Variants in HIVEP3 observed in about 807,000 individuals in gnomAD.
HIVEP3 encodes the protein transcription factor HIVEP3.
Under a neutral mutation model 152.8 loss-of-function variants are expected in HIVEP3, and 49 were observed. The observed-to-expected ratio is 0.32, with a 90% confidence interval of 0.26 to 0.41. The LOEUF is 0.41. Ranked by LOEUF, HIVEP3 falls within the 10% of genes least tolerant of loss-of-function variation. HIVEP3 has a pLI of 1.00. For synonymous variants in HIVEP3, 1,269 were observed against 1,289.0 expected (o/e 0.98, Z 0.33); for missense variants, 2,790 against 3,103.3 (o/e 0.90, Z 2.40).
At position 41,673,369 on chromosome 1, in the gene HIVEP3, C is replaced by T. The variant is rs551674034; in HGVS notation, c.-721+27547G>A. ...AAGATGTTGAGTAGCTCAGGAGAGG[C>T]AGACAGCATTTTCAGTTCATTATTG... On this transcript the variant is annotated intron_variant, in intron 2 of 8. Coordinates refer to ENST00000372583, the MANE Select transcript of HIVEP3 (RefSeq NM_024503.5). Among the ~76,000 whole-genome samples, 15 of 152,344 alleles carry T rather than the reference C, an allele frequency of 9.8e-5. No individual in the cohort carries two copies. The South Asian group carries it at 1.0e-3, about 11-fold the overall frequency.
intron 5 of HIVEP3, among the ~76,000 whole-genome samples, chr1:41,571,235 C>T (rs1644248151): frequency 6.6e-6 from 1 of 152,242 alleles, no homozygotes; most frequent in Non-Finnish European, 1.5e-5. Context: ...CCAGTCTCTT[C>T]CTCTTCCGTG....
intron 1 of HIVEP3, among the ~76,000 whole-genome samples, chr1:41,844,509 T>G (rs1460460847): frequency 6.6e-6 from 1 of 152,230 alleles, no homozygotes; most frequent in Non-Finnish European, 1.5e-5. Context: ...TTACCTTAAC[T>G]GCTCGCAGGG....
chr1:41,718,323 C>T (rs1428815723), intron 1 of HIVEP3, among the ~76,000 whole-genome samples: 1 of 152,206 alleles, frequency 6.6e-6, no homozygotes, highest in East Asian at 1.9e-4. Flanking sequence ...GGGTCTGTAC[C>T]CTACGCTTGC....
At chr1:41,599,919 C>T (rs1035406607) in intron 3 of HIVEP3, among the ~76,000 whole-genome samples, 4 of 151,992 alleles carry the variant, frequency 2.6e-5, no homozygotes, top group Admixed American at 1.3e-4. Flanking sequence ...CTTGAAGAGA[C>T]GTTTCTCCAA....
At chr1:41,744,488 A>C in intron 1 of HIVEP3, among the ~76,000 whole-genome samples, 1 of 152,266 alleles carries the variant, frequency 6.6e-6, no homozygotes, top group South Asian at 2.1e-4. Context: ...TGTGCTGGCC[A>C]GATGGGAGAC....
At chr1:41,775,389 A>G (rs953838435) in intron 1 of HIVEP3, among the ~76,000 whole-genome samples, 4 of 152,238 alleles carry the variant, frequency 2.6e-5, no homozygotes, top group Non-Finnish European at 4.4e-5. Flanking sequence ...GAATCTAAAC[A>G]AAACTCCTGA....
chr1:41,945,373 G>A (rs1645069334), intron 1 of HIVEP3, among the ~76,000 whole-genome samples: 2 of 152,174 alleles, frequency 1.3e-5, no homozygotes, highest in Non-Finnish European at 2.9e-5. Context: ...CAGACTTAAA[G>A]CAAATTAAAA....
At chr1:41,795,640 TTTATTTATTTATTCAA>T (rs1394024481) in intron 1 of HIVEP3, among the ~76,000 whole-genome samples, 1 of 152,170 alleles carries the variant, frequency 6.6e-6, no homozygotes, top group African/African-American at 2.4e-5. Flanking sequence ...TCTTCCCTTA[TTTATTTATTTATTCAA>T]TTATTTATTT....
At chr1:41,545,381 CACCACCACCAAT>C (rs1211519419) in intron 5 of HIVEP3, among the ~76,000 whole-genome samples, 2,272 of 67,386 alleles carry the variant, frequency 0.034, 125 homozygotes, top group African/African-American at 0.13. Flanking sequence ...CCACCACTAC[CACCACCACCAAT>C]ACCACTACCA....
chr1:41,802,657 T>C (rs1461103630), intron 1 of HIVEP3, among the ~76,000 whole-genome samples: 1 of 152,050 alleles, frequency 6.6e-6, no homozygotes, highest in African/African-American at 2.4e-5. Context: ...CGACTTACTG[T>C]TTCTGAGCCT....
intron 1 of HIVEP3, among the ~76,000 whole-genome samples, chr1:41,786,690 C>T (rs1367516295): frequency 6.6e-6 from 1 of 152,262 alleles, no homozygotes; most frequent in Admixed American, 6.5e-5. Flanking sequence ...AGCTTGCCGA[C>T]CCCTGTTCTA....
rs757594226 is a variant in HIVEP3, at chr1:41,513,519, T to C, written c.5702A>G (p.Gln1901Arg). The C allele has an allele frequency of 6.2e-7, 1 of 1,604,010 alleles. No homozygotes were observed. ...RADSSPILGP[Q>R]PPDAPASGTE... is the part of the protein sequence containing the mutation. ...GCCAGAGGCGGGGGCATCTGGGGGC[T>C]GAGGGCCCAGGATGGGTGAGGAGTC... Residue 1901 changes from glutamine (Q) to arginine (R), a missense_variant, in exon 8 of 9, where the codon CAG becomes CGG. Physicochemically the swap from Gln to Arg is conservative, Grantham distance 43 (BLOSUM62 1). This residue lies in a region of HIVEP3 where 816 missense variants were observed against 806.5 expected (regional missense o/e 1.01). Coordinates refer to ENST00000372583, the MANE Select transcript of HIVEP3 (RefSeq NM_024503.5).
In HIVEP3 at chr1:41,605,442, C is replaced by G. The variant is rs182719665; in HGVS notation, c.-521-20124G>C. On this transcript the variant is annotated intron_variant, in intron 3 of 8. Coordinates refer to ENST00000372583, the MANE Select transcript of HIVEP3 (RefSeq NM_024503.5). Reference sequence around the variant, plus strand: ...TAAAAAGAAAACTATTCCAGTACAGCGGTACACTTCTGGTTTGTGTACATA... The same window carrying G: ...TAAAAAGAAAACTATTCCAGTACAGGGGTACACTTCTGGTTTGTGTACATA... 2.2e-3 allele frequency among the ~76,000 whole-genome samples: 329 copies of G among 151,610 alleles called. 4 individuals carry two copies. In the Middle Eastern group the frequency reaches 0.024, roughly 11 times the overall value.
chr1:41,538,789 G>GAAACCCA (rs1643460349), intron 5 of HIVEP3, among the ~76,000 whole-genome samples: 2 of 32,070 alleles, frequency 6.2e-5, no homozygotes, highest in African/African-American at 2.4e-4. Context: ...GAGGCAGGCA[G>GAAACCCA]GAATGGGTTG....
rs887555622 is a variant in HIVEP3 at position 41,676,972 on chromosome 1, C to A, written c.-721+23944G>T. Among the ~76,000 whole-genome samples the A allele has an allele frequency of 7.2e-5, 11 of 152,204 alleles. No individual in the cohort carries two copies. In the East Asian group the frequency reaches 2.1e-3, roughly 29 times the overall value. On this transcript the variant is annotated intron_variant, in intron 2 of 8. Coordinates refer to ENST00000372583, the MANE Select transcript of HIVEP3 (RefSeq NM_024503.5). ...GGGGCCATGGCCCTTCTCCACCCTGCAGAGTCACTGTGTTATGCCGTGTGG... is the reference window on the plus strand; with the variant it reads ...GGGGCCATGGCCCTTCTCCACCCTGAAGAGTCACTGTGTTATGCCGTGTGG...
In HIVEP3 at chr1:41,581,471, G is replaced by A; in HGVS notation, c.3327C>T (p.Pro1109=). 6.4e-7 allele frequency: 1 copy of A among 1,572,710 alleles called. No homozygotes were observed. Among genetic ancestry groups the A allele is most frequent in the Non-Finnish European group, 8.6e-7 (1 of 1,160,794 alleles). The change falls in exon 4 of 9, where the codon CCC becomes CCT. Residue 1109 remains proline, a synonymous_variant. Transcript: ENST00000372583. This position sits in a 1 kb window ranked among gnomAD's most constrained non-coding sequence, Gnocchi z 4.5. ...TGTAGGGCACAGTGGGCCCCAATGG[G>A]GGCCTGTCCTGCCCTGGGCCCTTGC... ...PGGKGPGQDR[P]PLGPTVPYTE...
intron 2 of HIVEP3, among the ~76,000 whole-genome samples, chr1:41,685,496 G>A (rs1365552866): frequency 6.6e-6 from 1 of 152,188 alleles, no homozygotes; most frequent in Admixed American, 6.5e-5. Flanking sequence ...TTGGATGGAT[G>A]GCATTCACCC....
intron 5 of HIVEP3, among the ~76,000 whole-genome samples, chr1:41,572,958 C>T (rs933777267): frequency 6.6e-6 from 1 of 152,206 alleles, no homozygotes; most frequent in African/African-American, 2.4e-5. Context: ...CACTTCTCTA[C>T]TCCCATGGAG....
At chr1:41,540,185 C>A (rs1476326837) in intron 5 of HIVEP3, among the ~76,000 whole-genome samples, 1 of 152,248 alleles carries the variant, frequency 6.6e-6, no homozygotes, top group Non-Finnish European at 1.5e-5. Context: ...GCAGCTGACA[C>A]TATGCGTACA....
Sources: gnomAD v4.1 joint callset for allele counts (sites outside exome capture counted in the v4.1 genomes callset) on GRCh38, gnomAD v4.1.1 for gene constraint, gnomAD v4.1.1 regional missense constraint, Gnocchi (gnomAD v3.1) non-coding constraint, MANE v1.5 for transcripts, NCBI Gene and HGNC (gene_info 2026-07-23, HGNC 2026-07-21) for gene names.